Variants in ICE2 observed in about 807,000 individuals in gnomAD.
ICE2 encodes the protein interactor of little elongation complex ELL subunit 2, also known as little elongation complex subunit 2.
A neutral mutation model predicts 105.4 loss-of-function variants in ICE2; 87 were observed. The ratio of observed to expected loss-of-function variants is 0.83; its 90% confidence interval spans 0.69 to 0.99. The LOEUF (loss-of-function observed/expected upper bound fraction) is 0.99, where lower values mean the gene tolerates loss of function less well. Among genes scored for constraint, ICE2 ranks in the 50% least tolerant of loss-of-function variants. ICE2 has a pLI of 0.00. For missense variants in ICE2, 1,323 were observed against 1,146.7 expected (o/e 1.15, Z -2.22); for synonymous variants, 399 against 392.0 (o/e 1.02, Z -0.21).
intron 9 of ICE2, chr15:60,452,929 C>A: frequency 1.0e-6 from 1 of 985,406 alleles, no homozygotes; most frequent in East Asian, 1.1e-4. Flanking sequence ...CCTTTTCACA[C>A]TTAAAAACTC....
In ICE2 at chr15:60,448,053, G is replaced by C. The variant is rs1230058448; in HGVS notation, c.2212C>G (p.Gln738Glu). 1.2e-6 allele frequency: 2 copies of C among 1,613,654 alleles called. No homozygotes were observed. The highest frequency in any genetic ancestry group is 1.3e-5 in the African/African-American group (1 of 75,026). ...GNFVYKLFSLQDLLLLVRCSV... is the reference protein window; with the variant it reads ...GNFVYKLFSLEDLLLLVRCSV... ...CAGCGTACGAGTAACAACAGGTCTT[G>C]CAGGCTAAATAACTTATAAACAAAA... is the stretch of plus-strand genomic sequence containing the variant. Residue 738 changes from glutamine to glutamate, a missense_variant, in exon 11 of 16, where the codon CAA becomes GAA. Transcript: ENST00000261520.
intron 2 of ICE2, among the ~76,000 whole-genome samples, chr15:60,477,000 C>CTT (rs2064780450): frequency 1.3e-5 from 2 of 152,206 alleles, no homozygotes; most frequent in Admixed American, 6.5e-5. Flanking sequence ...GTGCATACCT[C>CTT]TTACCTAATC....
intron 12 of ICE2, among the ~76,000 whole-genome samples, chr15:60,437,611 G>A (rs913447707): frequency 6.6e-6 from 1 of 151,764 alleles, no homozygotes; most frequent in Non-Finnish European, 1.5e-5. Flanking sequence ...GAGATTACAG[G>A]TGTGAGCCAC....
intron 9 of ICE2, chr15:60,451,384 G>T: frequency 1.1e-6 from 1 of 945,510 alleles, no homozygotes; most frequent in Non-Finnish European, 1.3e-6. Context: ...AGCAGAATCT[G>T]ATAAAGTCTT....
intron 12 of ICE2, 162 bp downstream of exon 12, chr15:60,442,254 C>G (rs955211062): frequency 8.4e-6 from 5 of 597,908 alleles, no homozygotes; most frequent in Non-Finnish European, 1.1e-5. Flanking sequence ...GATCACATGA[C>G]TATACTCCAG....
chr15:60,472,253 CA>C (rs1416414121), intron 3 of ICE2, among the ~76,000 whole-genome samples: 1 of 151,846 alleles, frequency 6.6e-6, no homozygotes, highest in East Asian at 1.9e-4. Flanking sequence ...TTTCATTTTA[CA>C]AACACTTATG....
chr15:60,479,141 A>T lies in ICE2; in HGVS notation c.-231T>A. The T allele has an allele frequency of 2.5e-6, 1 of 396,848 alleles. No individual in the cohort carries two copies. Among genetic ancestry groups the T allele is most frequent in the Non-Finnish European group, 5.3e-6 (1 of 189,818 alleles). The allele number at this position is 396,848 out of a possible 1,614,324, so 24.6% of individuals were successfully genotyped here. ...CGCGCCGACTCGGCCCTGCGTGATG[A>T]CGTCTCAGCGACATAGTGGGCGGGG... On this transcript the variant is annotated 5_prime_UTR_variant, in exon 1 of 16. Transcript: ENST00000261520.
intron 9 of ICE2, chr15:60,451,457 C>G: frequency 1.0e-6 from 1 of 982,742 alleles, no homozygotes; most frequent in Non-Finnish European, 1.2e-6. Context: ...AAACAATAAA[C>G]TCAAGCACTT....
At chr15:60,428,342 G>A (rs555319122) in intron 15 of ICE2, 87 bp downstream of exon 15, 3 of 1,356,958 alleles carry the variant, frequency 2.2e-6, no homozygotes, top group East Asian at 4.6e-5. Context: ...ATGACAATGA[G>A]AACATCAGGG....
chr15:60,451,135 A>G, intron 9 of ICE2: 2 of 795,478 alleles, frequency 2.5e-6, no homozygotes, highest in Non-Finnish European at 3.0e-6. Flanking sequence ...GAAAAATAAA[A>G]GAAAAATTTG....
At chr15:60,464,307 A>C (rs1011660157) in intron 5 of ICE2, among the ~76,000 whole-genome samples, 13 of 152,248 alleles carry the variant, frequency 8.5e-5, no homozygotes, top group African/African-American at 3.1e-4. Context: ...TAAGCGTGCC[A>C]TACACTGTTC....
chr15:60,433,799 T>G (rs2063517813), intron 13 of ICE2, among the ~76,000 whole-genome samples: 2 of 151,406 alleles, frequency 1.3e-5, no homozygotes, highest in Admixed American at 1.3e-4. Context: ...CCTCCTCCTT[T>G]TTTTTAAAAA....
At chr15:60,426,746 G>C (rs1003027383) in intron 15 of ICE2, among the ~76,000 whole-genome samples, 1 of 151,986 alleles carries the variant, frequency 6.6e-6, no homozygotes, top group Non-Finnish European at 1.5e-5. Flanking sequence ...GTATTAAACT[G>C]TTCATTTTCA....
At chr15:60,457,169 T>C (rs934021415) in intron 5 of ICE2, among the ~76,000 whole-genome samples, 1 of 152,154 alleles carries the variant, frequency 6.6e-6, no homozygotes, top group Non-Finnish European at 1.5e-5. Context: ...GCACAATGAA[T>C]TAATGAAGTA....
At chr15:60,452,161 G>C (rs946258099) in intron 9 of ICE2, 1 of 973,868 alleles carries the variant, frequency 1.0e-6, no homozygotes, top group Non-Finnish European at 1.2e-6. Context: ...AGTAAAATGT[G>C]TAAGAAGAAA....
At chr15:60,478,441 G>A in intron 1 of ICE2, 1 of 175,614 alleles carries the variant, frequency 5.7e-6, no homozygotes, top group Non-Finnish European at 1.2e-5. Flanking sequence ...TTGTTATGGG[G>A]CAGATTCTGG....
chr15:60,467,417 G>C (rs1032528507), intron 4 of ICE2, among the ~76,000 whole-genome samples: 11 of 152,158 alleles, frequency 7.2e-5, no homozygotes, highest in Admixed American at 7.2e-4. Flanking sequence ...TAAAGCAAGA[G>C]ATCATTTTTC....
In ICE2 at chr15:60,449,144, G is replaced by T; in HGVS notation, c.1823C>A (p.Ser608Tyr). 6.2e-7 allele frequency: 1 copy of T among 1,613,980 alleles called. No individual in the cohort carries two copies. The highest frequency in any genetic ancestry group is 8.5e-7 in the Non-Finnish European group (1 of 1,179,878). Residue 608 changes from serine to tyrosine, a missense_variant, in exon 10 of 16, where the codon TCT (serine) becomes TAT (tyrosine). By Grantham distance (144) the Ser-to-Tyr change is moderately radical. Coordinates refer to ENST00000261520, the MANE Select transcript of ICE2 (RefSeq NM_024611.6). ...NLSSRPASPN[S>Y]SSGQASVGNQ... Reference sequence around the variant, plus strand: ...TCCTACAGAAGCCTGTCCTGAGGAAGAATTTGGACTAGCTGGTCTGGAACT... The same window carrying T: ...TCCTACAGAAGCCTGTCCTGAGGAATAATTTGGACTAGCTGGTCTGGAACT...
chr15:60,427,334 C>G (rs2063358958), intron 15 of ICE2, among the ~76,000 whole-genome samples: 1 of 152,310 alleles, frequency 6.6e-6, no homozygotes. Context: ...AATTCTGACT[C>G]AAAGACTTTT....
Sources: allele counts gnomAD v4.1 joint callset (sites outside exome capture counted in the v4.1 genomes callset), GRCh38; gene constraint gnomAD v4.1.1; transcripts MANE v1.5; gene names NCBI Gene and HGNC (gene_info 2026-07-23, HGNC 2026-07-21).